Variants in ZFPM2 observed in about 807,000 individuals in gnomAD.
The protein encoded by ZFPM2 is zinc finger protein ZFPM2.
ZFPM2 carries 20 observed loss-of-function variants against 98.6 expected under a neutral mutation model. The ratio of observed to expected loss-of-function variants is 0.20; its 90% CI spans 0.14 to 0.29. ZFPM2 has a LOEUF of 0.29. ZFPM2 is among the 10% of genes least tolerant of loss of function. The pLI is 1.00. For missense variants in ZFPM2, 1,310 were observed against 1,388.6 expected, an observed-to-expected ratio of 0.94 and a Z score of 0.90; for synonymous variants, 518 against 502.7, an observed-to-expected ratio of 1.03 and a Z score of -0.41.
chr8:105,600,093 C>T (rs780736310), intron 4 of ZFPM2, among the ~76,000 whole-genome samples: 8 of 152,034 alleles, frequency 5.3e-5, no homozygotes, highest in Non-Finnish European at 8.8e-5. Context: ...ACTGCTGAGC[C>T]GACCACAATG....
chr8:105,456,183 A>G (rs1422389873), intron 3 of ZFPM2, among the ~76,000 whole-genome samples: 1 of 142,778 alleles, frequency 7.0e-6, no homozygotes, highest in Non-Finnish European at 1.5e-5. Context: ...TTTTTTAAGA[A>G]GGAAGGGGCT....
At chr8:105,442,654 G>A (rs115287832) in intron 2 of ZFPM2, among the ~76,000 whole-genome samples, 2,475 of 152,200 alleles carry the variant, frequency 0.016, 61 homozygotes, top group African/African-American at 0.056. Flanking sequence ...ACTAGAATCC[G>A]TGCTCTCCGT....
Position 105,471,993 on chromosome 8 carries a change from T to G in ZFPM2, c.301+27612T>G, listed in dbSNP as rs146970184. 6.6e-3 allele frequency among the ~76,000 whole-genome samples: 1,004 copies of G among 152,244 alleles called. 9 individuals are homozygous for G. Among genetic ancestry groups the G allele is most frequent in the African/African-American group, 0.023 (964 of 41,544 alleles). On this transcript the variant is annotated intron_variant, in intron 3 of 7. Transcript: ENST00000407775. ...CAAAAAATGTGGTCGGTGGATTACT[T>G]GAGCACCATCCCAGATAAACAGAAT...
intron 2 of ZFPM2, among the ~76,000 whole-genome samples, chr8:105,439,796 C>G (rs1385569774): frequency 6.6e-6 from 1 of 152,290 alleles, no homozygotes; most frequent in South Asian, 2.1e-4. Flanking sequence ...GGTATATTCT[C>G]TATTCTTTAC....
intron 1 of ZFPM2, among the ~76,000 whole-genome samples, chr8:105,380,634 T>TTATATATATGTTA (rs1810833565): frequency 6.2e-5 from 1 of 16,010 alleles, no homozygotes; most frequent in Non-Finnish European, 1.1e-4. Flanking sequence ...AACATATATA[T>TTATATATATGTTA]TATATATATA....
rs144050699 is a variant in ZFPM2 at position 105,600,447 on chromosome 8, A to G, written c.421-33799A>G. ...TGAAACATTGAAGTCCTACTAAGAA[A>G]AGAGGGATTTCTTTTTTTCAATTAA... On this transcript the variant is annotated intron_variant, in intron 4 of 7. Transcript: ENST00000407775. Among the ~76,000 whole-genome samples, 116 of 152,208 alleles carry G rather than the reference A, an allele frequency of 7.6e-4. 1 individual carries two copies. In the East Asian group the frequency reaches 0.021, roughly 28 times the overall value.
Position 105,774,903 on chromosome 8 carries a change from C to T in ZFPM2, c.533-13815C>T, listed in dbSNP as rs1165576417. Reference sequence around the variant, plus strand: ...GAAACCTCTAAGTGCTTGAGGGGGACGCGAAGATGGAAGCCACCCATCTGT... The same window carrying T: ...GAAACCTCTAAGTGCTTGAGGGGGATGCGAAGATGGAAGCCACCCATCTGT... On this transcript the variant is annotated intron_variant, in intron 5 of 7. Transcript: ENST00000407775. 2.6e-5 allele frequency among the ~76,000 whole-genome samples: 4 copies of T among 151,904 alleles called. No individual in the cohort carries two copies. In the South Asian group the frequency reaches 6.3e-4, roughly 24 times the overall value.
chr8:105,784,846 G>A lies in ZFPM2; in HGVS notation c.533-3872G>A, dbSNP rs765195763. 8 of 145,630 alleles carry A rather than the reference G, an allele frequency of 5.5e-5. 1 individual carries two copies. The highest frequency in any genetic ancestry group is 8.5e-5 in the African/African-American group (3 of 35,252). 9.0% of individuals were successfully genotyped at this position (145,630 alleles called of 1,614,324 possible). On this transcript the variant is annotated intron_variant, in intron 5 of 7. Transcript: ENST00000407775. ...TATTAGCATCAGTAATTGAAGTTAC[G>A]TTACAATATTTGGGTTATCACTTCC...
chr8:105,601,936 A>G (rs139519979), intron 4 of ZFPM2, among the ~76,000 whole-genome samples: 22 of 152,110 alleles, frequency 1.4e-4, no homozygotes, highest in Admixed American at 1.4e-3. Context: ...CTCAAGATTT[A>G]TTAGTACTGA....
At chr8:105,700,294 T>C (rs1037507387) in intron 5 of ZFPM2, among the ~76,000 whole-genome samples, 3 of 152,234 alleles carry the variant, frequency 2.0e-5, no homozygotes, top group Non-Finnish European at 2.9e-5. Context: ...TTGATTTTAG[T>C]AATTTTCAGA....
intron 1 of ZFPM2, among the ~76,000 whole-genome samples, chr8:105,327,946 T>G (rs1812144726): frequency 6.6e-6 from 1 of 151,814 alleles, no homozygotes; most frequent in African/African-American, 2.4e-5. Context: ...TTCATGCTCC[T>G]TGTGTGTGCT....
intron 5 of ZFPM2, among the ~76,000 whole-genome samples, chr8:105,721,518 T>A (rs545286619): frequency 5.7e-4 from 86 of 152,014 alleles, no homozygotes; most frequent in African/African-American, 1.8e-3. Context: ...TCACTTTTTT[T>A]AAAAAAAGTA....
chr8:105,417,971 T>C (rs1811711332), intron 1 of ZFPM2, among the ~76,000 whole-genome samples: 1 of 152,218 alleles, frequency 6.6e-6, no homozygotes, highest in African/African-American at 2.4e-5. Flanking sequence ...AATTATTCTG[T>C]CTATGCCAAG....
chr8:105,668,920 A>G (rs1478863665), intron 5 of ZFPM2, among the ~76,000 whole-genome samples: 4 of 152,186 alleles, frequency 2.6e-5, no homozygotes, highest in Admixed American at 2.6e-4. Context: ...TAAATTTTGA[A>G]TAAATGAGTA....
intron 1 of ZFPM2, among the ~76,000 whole-genome samples, chr8:105,335,506 T>C (rs1812310732): frequency 6.6e-6 from 1 of 151,756 alleles, no homozygotes; most frequent in Non-Finnish European, 1.5e-5. Context: ...AAAGTTAATC[T>C]CTTGTGGTAT....
At chr8:105,611,070 T>C (rs1191788535) in intron 4 of ZFPM2, among the ~76,000 whole-genome samples, 2 of 152,174 alleles carry the variant, frequency 1.3e-5, no homozygotes, top group Admixed American at 6.5e-5. Flanking sequence ...AGTCAGGATG[T>C]CAGGCTTCTG....
At chr8:105,706,534 G>A (rs1303708203) in intron 5 of ZFPM2, among the ~76,000 whole-genome samples, 1 of 151,876 alleles carries the variant, frequency 6.6e-6, no homozygotes, top group Admixed American at 6.6e-5. Context: ...TTTGTTCCTG[G>A]TAATGAGGAT....
intron 4 of ZFPM2, among the ~76,000 whole-genome samples, chr8:105,625,861 G>A (rs1452781281): frequency 4.0e-5 from 6 of 151,784 alleles, no homozygotes; most frequent in Non-Finnish European, 8.8e-5. Context: ...GGGATTACAC[G>A]CCCAGCCTGA....
At chr8:105,737,803 G>C (rs1812114628) in intron 5 of ZFPM2, 1 of 151,996 alleles carries the variant, frequency 6.6e-6, no homozygotes, top group South Asian at 2.1e-4. Context: ...TTGAATGTGT[G>C]ACCACTGGAT....
Sources: allele counts gnomAD v4.1 joint callset (sites outside exome capture counted in the v4.1 genomes callset), GRCh38; gene constraint gnomAD v4.1.1; transcripts MANE v1.5; gene names NCBI Gene and HGNC (gene_info 2026-07-23, HGNC 2026-07-21).